ANOS1: variants seen among roughly 807,000 people sequenced by gnomAD.
The protein encoded by ANOS1 is anosmin 1.
In ANOS1, 6 loss-of-function variants were observed where a neutral mutation model predicts 59.0. The observed-to-expected ratio is 0.10, with a 90% CI of 0.06 to 0.20. ANOS1 has a LOEUF of 0.20. Ranked by LOEUF, ANOS1 falls within the 10% of genes least tolerant of loss-of-function variation. The pLI is 1.00. For synonymous variants in ANOS1, 217 were observed against 223.4 expected (o/e 0.97, Z 0.25); for missense variants, 433 against 542.3 (o/e 0.80, Z 2.00).
At chrX:8,634,942 A>G (rs1424813528) in intron 2 of ANOS1, among the ~76,000 whole-genome samples, 1 of 111,666 alleles carries the variant, frequency 9.0e-6, no homozygotes, top group Admixed American at 9.6e-5. Context: ...AGAAAGAGAC[A>G]AAACCTAGAA....
At chrX:8,580,509 G>C (rs1405190952) in intron 6 of ANOS1, among the ~76,000 whole-genome samples, 1 of 111,912 alleles carries the variant, frequency 8.9e-6, no homozygotes, top group Admixed American at 9.5e-5. Context: ...GAATAACTTA[G>C]AATTTTCTAT....
chrX:8,671,409 T>C (rs1298456583), intron 2 of ANOS1, among the ~76,000 whole-genome samples: 1 of 111,191 alleles, frequency 9.0e-6, no homozygotes, highest in Non-Finnish European at 1.9e-5. Flanking sequence ...ATACCATGTG[T>C]ATTAACTGAG....
Position 8,705,003 on chromosome X carries a change from G to C in ANOS1, c.208-5258C>G, listed in dbSNP as rs185324817. Among the ~76,000 whole-genome samples the C allele has an allele frequency of 2.0e-4, 22 of 111,398 alleles. No homozygotes were observed. The Admixed American group carries it at 2.0e-3, about 10-fold the overall frequency. On this transcript the variant is annotated intron_variant, in intron 1 of 13. Transcript: ENST00000262648. ...TACTAAAATACAAATAAAACTTGCAGTAAAAGGATGCCTTTCCATTCTGTT... is the reference window on the plus strand; with the variant it reads ...TACTAAAATACAAATAAAACTTGCACTAAAAGGATGCCTTTCCATTCTGTT...
chrX:8,535,866 A>C, intron 11 of ANOS1, 55 bp from the exon 12 acceptor site: 1 of 993,755 alleles, frequency 1.0e-6, no homozygotes, highest in East Asian at 3.0e-5. Context: ...AGGTGTGCCC[A>C]AGGGATCCAT....
rs1569250471 is a variant in ANOS1 at position 8,529,098 on chromosome X, A to G, written c.*3897T>C. The G allele has an allele frequency of 8.9e-6, 1 of 112,297 alleles. No homozygotes were observed. The highest frequency in any genetic ancestry group is 1.9e-5 in the Non-Finnish European group (1 of 53,308). 9.3% of individuals were successfully genotyped at this position (112,297 alleles called of 1,213,427 possible). A position where few individuals can be genotyped will look rare whatever the true frequency, so the allele number is the denominator to read the frequency against. ...ACTTTAAATGACCACTGTAAGGGAC[A>G]TGAATTCTACAGACCACTTGGATGA... On this transcript the variant is annotated 3_prime_UTR_variant, in exon 14 of 14. Transcript: ENST00000262648.
intron 2 of ANOS1, among the ~76,000 whole-genome samples, chrX:8,680,195 G>T (rs1602021567): frequency 9.8e-6 from 1 of 102,335 alleles, no homozygotes. Flanking sequence ...AGGCTTTCAT[G>T]GTAAATTTTT....
At chrX:8,541,408 C>A (rs1929683437) in intron 9 of ANOS1, among the ~76,000 whole-genome samples, 1 of 68,848 alleles carries the variant, frequency 1.5e-5, no homozygotes, top group Non-Finnish European at 3.3e-5. Flanking sequence ...CGTCTCCCAC[C>A]ACCCCCCCCC....
chrX:8,699,246 G>A (rs1932727813), intron 2 of ANOS1, among the ~76,000 whole-genome samples: 1 of 111,895 alleles, frequency 8.9e-6, no homozygotes, highest in African/African-American at 3.2e-5. Context: ...AAATGGAAGA[G>A]AGACTCTTTA....
chrX:8,656,128 A>T (rs1233413893), intron 2 of ANOS1, among the ~76,000 whole-genome samples: 2 of 112,395 alleles, frequency 1.8e-5, no homozygotes, highest in East Asian at 5.6e-4. Flanking sequence ...TTTTATGCCT[A>T]CAATATCTGA....
At chrX:8,710,647 G>C (rs1932807366) in intron 1 of ANOS1, among the ~76,000 whole-genome samples, 1 of 111,918 alleles carries the variant, frequency 8.9e-6, no homozygotes, top group African/African-American at 3.2e-5. Context: ...CCAAGGAAAA[G>C]AGGTTACAGT....
chrX:8,563,728 T>G (rs1228337626), intron 8 of ANOS1, among the ~76,000 whole-genome samples: 5 of 112,304 alleles, frequency 4.5e-5, no homozygotes, highest in Non-Finnish European at 1.9e-5. Context: ...GTCAATTTAC[T>G]GAGCTCTTAC....
intron 2 of ANOS1, among the ~76,000 whole-genome samples, chrX:8,685,002 T>C (rs1311387814): frequency 9.1e-6 from 1 of 110,493 alleles, no homozygotes; most frequent in African/African-American, 3.3e-5. Context: ...TCTTAAATGA[T>C]CTCTGCTTGC....
chrX:8,558,394 T>A (rs761715575), intron 8 of ANOS1, among the ~76,000 whole-genome samples: 1 of 110,500 alleles, frequency 9.0e-6, no homozygotes, highest in Non-Finnish European at 1.9e-5. Flanking sequence ...GTTTTTTTTT[T>A]AAGTAAAAGG....
At chrX:8,583,935 G>A (rs1021704324) in intron 6 of ANOS1, among the ~76,000 whole-genome samples, 11 of 111,555 alleles carry the variant, frequency 9.9e-5, no homozygotes, top group African/African-American at 3.3e-4. Context: ...CAGGATTTCT[G>A]CCCAGATCCT....
At chrX:8,673,856 G>C (rs1350361610) in intron 2 of ANOS1, among the ~76,000 whole-genome samples, 1 of 111,655 alleles carries the variant, frequency 9.0e-6, no homozygotes, top group Non-Finnish European at 1.9e-5. Flanking sequence ...TTAGAGAACA[G>C]GAACAACAGA....
At chrX:8,576,467 TACAC>T (rs772802620) in intron 6 of ANOS1, among the ~76,000 whole-genome samples, 1,295 of 100,037 alleles carry the variant, frequency 0.013, 24 homozygotes, top group African/African-American at 0.044. Context: ...TATATATATA[TACAC>T]ACACACACAC....
At chrX:8,551,136 T>C (rs1400547513) in intron 9 of ANOS1, among the ~76,000 whole-genome samples, 1 of 111,865 alleles carries the variant, frequency 8.9e-6, no homozygotes, top group Non-Finnish European at 1.9e-5. Context: ...GAACTGTGTG[T>C]CCATTAAACC....
At chrX:8,667,037 C>G (rs1018044057) in intron 2 of ANOS1, among the ~76,000 whole-genome samples, 1 of 111,520 alleles carries the variant, frequency 9.0e-6, no homozygotes, top group Non-Finnish European at 1.9e-5. Flanking sequence ...CCAGCCATTA[C>G]CCATGGCTTG....
At chrX:8,615,402 G>A (rs1436145811) in intron 3 of ANOS1, among the ~76,000 whole-genome samples, 3 of 109,578 alleles carry the variant, frequency 2.7e-5, no homozygotes, top group East Asian at 5.8e-4. Flanking sequence ...AATTAGCCAG[G>A]TGTGGTGGCA....
Sources: allele counts gnomAD v4.1 joint callset (sites outside exome capture counted in the v4.1 genomes callset), GRCh38; gene constraint gnomAD v4.1.1; transcripts MANE v1.5; gene names NCBI Gene and HGNC (gene_info 2026-07-23, HGNC 2026-07-21).